Variants in FBXL13 observed in about 807,000 individuals in gnomAD.
FBXL13 encodes the protein F-box and leucine rich repeat protein 13.
In FBXL13, 67 loss-of-function variants were observed where a neutral mutation model predicts 83.6. The ratio of observed to expected loss-of-function variants is 0.80; its 90% CI spans 0.66 to 0.98. FBXL13 has a LOEUF of 0.98. Ranked by LOEUF, FBXL13 falls within the 50% of genes least tolerant of loss-of-function variation. FBXL13 has a pLI of 0.00. For missense variants in FBXL13, 822 were observed against 866.5 expected, an observed-to-expected ratio of 0.95 and a Z score of 0.64; for synonymous variants, 272 against 299.5, an observed-to-expected ratio of 0.91 and a Z score of 0.95.
At chr7:102,816,724 A>T (rs891487676) in intron 19 of FBXL13, among the ~76,000 whole-genome samples, 5 of 152,236 alleles carry the variant, frequency 3.3e-5, no homozygotes, top group Admixed American at 1.3e-4. Context: ...CAAATAGTGA[A>T]CATAATGCCC....
chr7:103,035,719 TTTATA>T (rs1316276153), intron 2 of FBXL13, among the ~76,000 whole-genome samples: 5 of 152,250 alleles, frequency 3.3e-5, no homozygotes, highest in Admixed American at 6.5e-5. Context: ...AATCATTAAC[TTTATA>T]TTATAATTTT....
chr7:102,931,655 T>C (rs777574781), intron 9 of FBXL13, among the ~76,000 whole-genome samples: 22 of 152,196 alleles, frequency 1.4e-4, no homozygotes, highest in Non-Finnish European at 2.6e-4. Context: ...TGGGTAGTCA[T>C]TGAAGAATTT....
At chr7:103,016,544 A>G (rs1792347289) in intron 6 of FBXL13, among the ~76,000 whole-genome samples, 1 of 152,088 alleles carries the variant, frequency 6.6e-6, no homozygotes, top group South Asian at 2.1e-4. Flanking sequence ...TCACCCGGGA[A>G]GCATAAGGGG....
chr7:102,944,765 A>T, intron 8 of FBXL13: 1 of 633,268 alleles, frequency 1.6e-6, no homozygotes, highest in Non-Finnish European at 2.6e-6. Flanking sequence ...CTATTATAGT[A>T]ATCAAGAGAA....
At chr7:103,029,379 T>A (rs759662446) in exon 3 of FBXL13, 1 of 1,544,602 alleles carries the variant, frequency 6.5e-7, no homozygotes, top group African/African-American at 1.4e-5. Flanking sequence ...AAATGTCCAG[T>A]ATAAAAGCTA....
intron 6 of FBXL13, among the ~76,000 whole-genome samples, chr7:102,970,076 C>A (rs1358837676): frequency 6.6e-6 from 1 of 151,892 alleles, no homozygotes; most frequent in African/African-American, 2.4e-5. Context: ...CATAGTGAAA[C>A]CCCATTTCAA....
intron 14 of FBXL13, 26 bp from the exon 16 acceptor site, chr7:102,878,476 C>T: frequency 6.6e-7 from 1 of 1,516,220 alleles, no homozygotes. Context: ...AAAAATTTTA[C>T]ATGTGATTCT....
intron 8 of FBXL13, among the ~76,000 whole-genome samples, chr7:102,961,566 C>T (rs1465326772): frequency 1.3e-5 from 2 of 148,388 alleles, no homozygotes; most frequent in Non-Finnish European, 3.0e-5. Flanking sequence ...GGAGGCATCA[C>T]ACTACCTGAC....
intron 2 of FBXL13, among the ~76,000 whole-genome samples, chr7:103,038,027 G>A (rs543818830): frequency 2.6e-5 from 4 of 152,262 alleles, no homozygotes; most frequent in Admixed American, 6.5e-5. Flanking sequence ...AAGGGGTCAG[G>A]GGATTTCCCT....
intron 8 of FBXL13, chr7:102,933,674 A>G (rs1819662428): frequency 3.1e-6 from 1 of 317,732 alleles, no homozygotes; most frequent in Non-Finnish European, 5.7e-6. Flanking sequence ...TGTTCTGTGG[A>G]ACTAGAAGGC....
chr7:102,878,611 G>C (rs942868802), intron 14 of FBXL13, among the ~76,000 whole-genome samples, 161 bp from the exon 16 acceptor site: 2 of 152,062 alleles, frequency 1.3e-5, no homozygotes, highest in Non-Finnish European at 2.9e-5. Flanking sequence ...TGATTATATA[G>C]ATTTTAATGT....
chr7:102,963,298 GAGACA>G (rs1563157779), intron 8 of FBXL13, among the ~76,000 whole-genome samples: 2 of 150,814 alleles, frequency 1.3e-5, no homozygotes, highest in Non-Finnish European at 2.9e-5. Flanking sequence ...TCCAGCCTGG[GAGACA>G]GAGTGAGACT....
At chr7:102,976,218 C>T (rs1827428839) in intron 6 of FBXL13, 1 of 751,524 alleles carries the variant, frequency 1.3e-6, no homozygotes, top group African/African-American at 1.7e-5. Flanking sequence ...AAGGGTAACC[C>T]TGATGGTGGC....
chr7:102,921,130 C>A lies in FBXL13; in HGVS notation c.878+5144G>T, dbSNP rs912291972. Among the ~76,000 whole-genome samples the A allele has an allele frequency of 2.6e-5, 4 of 152,068 alleles. No individual in the cohort carries two copies. In the South Asian group the frequency reaches 6.2e-4, roughly 24 times the overall value. Reference sequence around the variant, plus strand: ...TCACTTCATTGCACTCCAGCCTGGGCAACAGGGCGAGACTCCGTCTCAAAA... The same window carrying A: ...TCACTTCATTGCACTCCAGCCTGGGAAACAGGGCGAGACTCCGTCTCAAAA... On this transcript the variant is annotated intron_variant, in intron 10 of 19. Coordinates refer to ENST00000313221, the Ensembl canonical transcript of FBXL13.
chr7:102,915,482 A>G lies in FBXL13; in HGVS notation c.879-2267T>C, dbSNP rs1251944908. Among the ~76,000 whole-genome samples the G allele has an allele frequency of 1.3e-4, 15 of 117,040 alleles. No individual in the cohort carries two copies. The Admixed American group carries it at 1.5e-3, about 12-fold the overall frequency. 76.8% of individuals were successfully genotyped at this position (117,040 alleles called of 152,430 possible). ...ATTCCAAGAGTTTGAAGGATTTCAC[A>G]TTGAATGTATACCTCGATCTACACC... On this transcript the variant is annotated intron_variant, in intron 10 of 19. Transcript: ENST00000313221.
rs747115287 is a variant in FBXL13, at chr7:102,813,329, T to A, written c.*13A>T. The A allele has an allele frequency of 1.9e-6, 3 of 1,580,178 alleles. No individual in the cohort carries two copies. The South Asian group carries it at 3.5e-5, about 18-fold the overall frequency. On this transcript the variant is annotated 3_prime_UTR_variant, in exon 20 of 20. Coordinates refer to ENST00000313221, the Ensembl canonical transcript of FBXL13. ...GTTCTTGATTTTTTGTTCTTCCTGCTTGAGGCTGAAGGTCACGCTGCTTGG... is the reference window on the plus strand; with the variant it reads ...GTTCTTGATTTTTTGTTCTTCCTGCATGAGGCTGAAGGTCACGCTGCTTGG...
chr7:102,834,691 A>G (rs888096650), intron 17 of FBXL13: 6 of 152,072 alleles, frequency 3.9e-5, no homozygotes, highest in Non-Finnish European at 7.4e-5. Flanking sequence ...AGATTTGTGA[A>G]ACATTCAATT....
At chr7:102,883,750 T>A in intron 12 of FBXL13, 65 bp from the exon 14 acceptor site, 2 of 992,810 alleles carry the variant, frequency 2.0e-6, no homozygotes, top group Non-Finnish European at 3.1e-6. Context: ...GGTAATGAAG[T>A]CACTTTTTCC....
intron 19 of FBXL13, among the ~76,000 whole-genome samples, chr7:102,819,133 C>G (rs1403330775): frequency 6.6e-6 from 1 of 152,166 alleles, no homozygotes; most frequent in Non-Finnish European, 1.5e-5. Context: ...TTCAGGCCCT[C>G]CTGGGTTGTG....
Sources: gnomAD v4.1 joint callset for allele counts (sites outside exome capture counted in the v4.1 genomes callset) on GRCh38, gnomAD v4.1.1 for gene constraint, MANE v1.5 for transcripts, NCBI Gene and HGNC (gene_info 2026-07-23, HGNC 2026-07-21) for gene names.